SRGAP1: variants seen among roughly 807,000 people sequenced by gnomAD.
SRGAP1 encodes SLIT-ROBO Rho GTPase-activating protein 1.
In SRGAP1, 43 loss-of-function variants were observed where a neutral mutation model predicts 121.9. The observed-to-expected ratio is 0.35, with a 90% CI of 0.28 to 0.46. The LOEUF (loss-of-function observed/expected upper bound fraction) is 0.46. SRGAP1 is among the 20% of genes least tolerant of loss of function. SRGAP1 has a pLI of 1.00. For missense variants in SRGAP1, 1,102 were observed against 1,350.9 expected (o/e 0.82, Z 2.89); for synonymous variants, 447 against 485.4 (o/e 0.92, Z 1.04).
chr12:64,018,044 A>G (rs531878978), intron 4 of SRGAP1, among the ~76,000 whole-genome samples: 2 of 152,058 alleles, frequency 1.3e-5, no homozygotes, highest in South Asian at 4.1e-4. Flanking sequence ...AGTAATATTA[A>G]TTTATATTAA....
At chr12:64,008,523 T>C (rs2034156176) in intron 3 of SRGAP1, among the ~76,000 whole-genome samples, 1 of 152,194 alleles carries the variant, frequency 6.6e-6, no homozygotes, top group African/African-American at 2.4e-5. Context: ...TCAATTACTT[T>C]ATTTAAAAAG....
At chr12:63,923,349 A>G (rs1479385159) in intron 1 of SRGAP1, among the ~76,000 whole-genome samples, 1 of 152,208 alleles carries the variant, frequency 6.6e-6, no homozygotes, top group Non-Finnish European at 1.5e-5. Flanking sequence ...CCGTACTTAC[A>G]ACATCTTTTA....
intron 1 of SRGAP1, among the ~76,000 whole-genome samples, chr12:63,853,155 G>A (rs570589414): frequency 1.6e-4 from 24 of 151,894 alleles, no homozygotes; most frequent in Admixed American, 1.5e-3. Context: ...GAGTAGCTGG[G>A]AGTACAGGCA....
chr12:63,902,541 G>T (rs1292423866), intron 1 of SRGAP1, among the ~76,000 whole-genome samples: 1 of 152,178 alleles, frequency 6.6e-6, no homozygotes. Context: ...TATTCAGAGA[G>T]ACTGGAGGCA....
chr12:63,973,508 G>A (rs1227990898), intron 1 of SRGAP1, among the ~76,000 whole-genome samples: 1 of 152,126 alleles, frequency 6.6e-6, no homozygotes, highest in Non-Finnish European at 1.5e-5. Flanking sequence ...ATTGCTGTAA[G>A]AATTAAATGA....
chr12:64,153,602 T>G lies in SRGAP1; in HGVS notation c.*10930T>G, dbSNP rs2037140568. On this transcript the variant is annotated 3_prime_UTR_variant, in exon 22 of 22. Coordinates refer to ENST00000355086, the MANE Select transcript of SRGAP1 (RefSeq NM_020762.4). ...TGACCCTCAAAACCACAATGAGATA[T>G]CACCTCATACCCATTAGGATGGCCA... 6.6e-6 allele frequency: 1 copy of G among 152,010 alleles called. No individual in the cohort carries two copies. The highest frequency in any genetic ancestry group is 1.5e-5 in the Non-Finnish European group (1 of 68,020). 9.4% of individuals were successfully genotyped at this position (152,010 alleles called of 1,614,324 possible). A position where few individuals can be genotyped will look rare whatever the true frequency, so the allele number is the denominator to read the frequency against.
intron 4 of SRGAP1, 48 bp from the exon 5 acceptor site, chr12:64,042,742 T>C (rs1346424263): frequency 4.0e-6 from 6 of 1,506,738 alleles, no homozygotes; most frequent in Non-Finnish European, 4.6e-6. Context: ...ATTCACTCTC[T>C]AAATGACAGA....
intron 12 of SRGAP1, chr12:64,091,986 G>T: frequency 7.3e-7 from 1 of 1,366,220 alleles, no homozygotes; most frequent in South Asian, 1.3e-5. Flanking sequence ...TTCAAGTCGT[G>T]CTCATGCTTG....
intron 1 of SRGAP1, among the ~76,000 whole-genome samples, chr12:63,935,063 C>T (rs1436991213): frequency 2.6e-5 from 4 of 152,206 alleles, no homozygotes; most frequent in Non-Finnish European, 5.9e-5. Flanking sequence ...CTTGGCTCTC[C>T]ACCAGCCTGT....
At chr12:64,031,619 T>C (rs558245357) in intron 4 of SRGAP1, among the ~76,000 whole-genome samples, 2 of 152,284 alleles carry the variant, frequency 1.3e-5, no homozygotes, top group East Asian at 3.9e-4. Flanking sequence ...TGTTTTCATA[T>C]ACTACTCCTA....
chr12:64,102,032 T>G (rs2036263325), intron 15 of SRGAP1, among the ~76,000 whole-genome samples: 1 of 152,224 alleles, frequency 6.6e-6, no homozygotes, highest in Non-Finnish European at 1.5e-5. Flanking sequence ...ATCACTGGCA[T>G]GTACACATTT....
chr12:63,930,408 A>G (rs560954840), intron 1 of SRGAP1, among the ~76,000 whole-genome samples: 1 of 151,856 alleles, frequency 6.6e-6, no homozygotes, highest in African/African-American at 2.4e-5. Context: ...AAGCAATATT[A>G]AGTATTTGAA....
intron 1 of SRGAP1, among the ~76,000 whole-genome samples, chr12:63,882,701 G>C (rs1900235496): frequency 1.3e-5 from 2 of 152,226 alleles, no homozygotes; most frequent in South Asian, 2.1e-4. Flanking sequence ...TTTTATTATA[G>C]CTAGGATATT....
chr12:64,076,711 A>T (rs571223719), intron 8 of SRGAP1, among the ~76,000 whole-genome samples: 39 of 152,194 alleles, frequency 2.6e-4, no homozygotes, highest in African/African-American at 9.2e-4. Flanking sequence ...CAGTGGCACG[A>T]TCTCAGCTCA....
chr12:64,089,998 G>A (rs2036018615), intron 11 of SRGAP1, among the ~76,000 whole-genome samples: 1 of 152,206 alleles, frequency 6.6e-6, no homozygotes, highest in Non-Finnish European at 1.5e-5. Context: ...AGAGTCTGAA[G>A]CTTAATGAAG....
intron 6 of SRGAP1, among the ~76,000 whole-genome samples, chr12:64,054,290 T>C (rs2035296554): frequency 1.3e-5 from 2 of 152,316 alleles, no homozygotes; most frequent in African/African-American, 4.8e-5. Flanking sequence ...ATCTGTCACA[T>C]GTGTTTTATT....
intron 3 of SRGAP1, among the ~76,000 whole-genome samples, chr12:63,995,755 A>G (rs868732395): frequency 1.3e-5 from 2 of 152,154 alleles, no homozygotes; most frequent in Non-Finnish European, 2.9e-5. Flanking sequence ...CAGTTGACTC[A>G]CTTTAGGTAT....
intron 8 of SRGAP1, among the ~76,000 whole-genome samples, chr12:64,071,580 C>T (rs542761055): frequency 2.6e-5 from 4 of 152,248 alleles, no homozygotes; most frequent in Admixed American, 1.3e-4. Context: ...AGATCATGCT[C>T]CTTAGACCAC....
rs1199429320 is a variant in SRGAP1, at chr12:64,108,996, G to T, written c.1878G>T (p.Ser626=). The T allele has an allele frequency of 3.1e-6, 5 of 1,596,436 alleles. No individual in the cohort carries two copies. The South Asian group carries it at 3.4e-5, about 11-fold the overall frequency. The stretch of plus-strand genomic sequence containing the variant: ...AACTCCTCCTGACTTTGCCCAGGTC[G>T]GTCCTTATAGTGATGAGGTACCTCT... ...IRKLLLTLPR[S]VLIVMRYLFA... Residue 626 remains serine, a synonymous_variant, in exon 16 of 22, where the codon TCG becomes TCT. Coordinates refer to ENST00000355086, the MANE Select transcript of SRGAP1 (RefSeq NM_020762.4).
Sources: allele counts gnomAD v4.1 joint callset (sites outside exome capture counted in the v4.1 genomes callset), GRCh38; gene constraint gnomAD v4.1.1; transcripts MANE v1.5; gene names NCBI Gene and HGNC (gene_info 2026-07-23, HGNC 2026-07-21).